Variants in GMDS observed in about 807,000 individuals in gnomAD.
The protein encoded by GMDS is GDP-mannose 4,6-dehydratase.
In GMDS, 20 loss-of-function variants were observed where a neutral mutation model predicts 49.9. The ratio of observed to expected loss-of-function variants is 0.40; its 90% confidence interval spans 0.28 to 0.58. GMDS has a LOEUF of 0.58. Among genes scored for constraint, GMDS ranks in the 20% least tolerant of loss-of-function variants. The pLI, the probability that GMDS is intolerant of heterozygous loss-of-function variation, is 0.42. For missense variants in GMDS, 362 were observed against 481.4 expected, an observed-to-expected ratio of 0.75 and a Z score of 2.32; for synonymous variants, 177 against 178.6, an observed-to-expected ratio of 0.99 and a Z score of 0.07.
Position 1,726,390 on chromosome 6 carries a change from GCACTGGGTGGC to G in GMDS, c.987+15_987+25del. 6.8e-7 allele frequency: 1 copy of G among 1,479,104 alleles called. No individual in the cohort carries two copies. 91.6% of individuals were successfully genotyped at this position (1,479,104 alleles called of 1,614,324 possible). A position where few individuals can be genotyped will look rare whatever the true frequency, so the allele number is the denominator to read the frequency against. On this transcript the variant is annotated intron_variant, in intron 9 of 10. Transcript: ENST00000380815. Reference sequence around the variant, plus strand: ...CAGCCAGCCAGCCAAATGTGGCCACGCACTGGGTGGCCAGAGAGTCCTTACCACTTCAGTTG... The same window carrying G: ...CAGCCAGCCAGCCAAATGTGGCCACGCAGAGAGTCCTTACCACTTCAGTTG...
chr6:1,771,203 A>G (rs1768564262), intron 7 of GMDS, among the ~76,000 whole-genome samples: 1 of 152,184 alleles, frequency 6.6e-6, no homozygotes, highest in African/African-American at 2.4e-5. Context: ...CAGCTTCCAG[A>G]CAGTCAAACA....
intron 1 of GMDS, among the ~76,000 whole-genome samples, chr6:2,231,244 A>T (rs1489643594): frequency 6.6e-6 from 1 of 152,082 alleles, no homozygotes; most frequent in Non-Finnish European, 1.5e-5. Context: ...TTCTGCTAGT[A>T]TATTCTTTGT....
rs181209652 is a variant in GMDS at position 1,909,620 on chromosome 6, G to A, written c.771+20483C>T. 3.5e-3 allele frequency among the ~76,000 whole-genome samples: 537 copies of A among 152,228 alleles called. 2 individuals are homozygous for A. Among genetic ancestry groups the A allele is most frequent in the Non-Finnish European group, 4.0e-3 (270 of 68,006 alleles). On this transcript the variant is annotated intron_variant, in intron 7 of 10. Coordinates refer to ENST00000380815, the MANE Select transcript of GMDS (RefSeq NM_001500.4). The stretch of plus-strand genomic sequence containing the variant: ...TCTAGAAGGTAAAATGTGTCCATCC[G>A]TGTGTGATGCTGGCTACAGCCACTC...
chr6:1,740,904 G>A (rs1401374481), intron 8 of GMDS, among the ~76,000 whole-genome samples: 2 of 152,144 alleles, frequency 1.3e-5, no homozygotes, highest in Middle Eastern at 3.4e-3. Flanking sequence ...CCTGCACAAA[G>A]TTTTCATGCA....
intron 7 of GMDS, among the ~76,000 whole-genome samples, chr6:1,860,782 C>A (rs1347638234): frequency 6.6e-6 from 1 of 152,100 alleles, no homozygotes; most frequent in Admixed American, 6.5e-5. Context: ...AGGCAAAATC[C>A]AAGGGTACTT....
intron 1 of GMDS, among the ~76,000 whole-genome samples, chr6:2,230,443 G>C (rs910351065): frequency 4.6e-5 from 7 of 152,134 alleles, no homozygotes; most frequent in Non-Finnish European, 8.8e-5. Context: ...CCTATATAGA[G>C]AATCTGCTAA....
At position 1,708,505 on chromosome 6, in the gene GMDS, C is replaced by A. The variant is rs185952288; in HGVS notation, c.987+17911G>T. Among the ~76,000 whole-genome samples, 398 of 152,292 alleles carry A rather than the reference C, an allele frequency of 2.6e-3. 3 individuals carry two copies. Among genetic ancestry groups the A allele is most frequent in the Non-Finnish European group, 4.2e-3 (288 of 68,044 alleles). ...GGGGCTAAGTCAGTCACCGCACAAT[C>A]GAGTATGGTGTAGCTCCAAAGAATG... On this transcript the variant is annotated intron_variant, in intron 9 of 10. Transcript: ENST00000380815.
chr6:1,870,172 A>G (rs1216459593), intron 7 of GMDS, among the ~76,000 whole-genome samples: 1 of 151,990 alleles, frequency 6.6e-6, no homozygotes, highest in Admixed American at 6.6e-5. Context: ...CTTTAATGTC[A>G]TTTTCCTCTT....
At chr6:1,952,922 T>A (rs961465923) in intron 6 of GMDS, among the ~76,000 whole-genome samples, 1 of 152,076 alleles carries the variant, frequency 6.6e-6, no homozygotes, top group Non-Finnish European at 1.5e-5. Context: ...TCCCTATGAG[T>A]GACTCACGGC....
At chr6:1,868,033 C>T (rs1758526543) in intron 7 of GMDS, among the ~76,000 whole-genome samples, 1 of 151,780 alleles carries the variant, frequency 6.6e-6, no homozygotes, top group Non-Finnish European at 1.5e-5. Context: ...GTCACCCAGG[C>T]TGGAGTGCAG....
chr6:2,177,198 A>C (rs766586157), intron 1 of GMDS, among the ~76,000 whole-genome samples: 13 of 152,202 alleles, frequency 8.5e-5, no homozygotes, highest in Non-Finnish European at 1.8e-4. Flanking sequence ...ACCTAAGGGC[A>C]GACTTAATCT....
At chr6:1,810,743 T>A (rs567081283) in intron 7 of GMDS, among the ~76,000 whole-genome samples, 3 of 152,266 alleles carry the variant, frequency 2.0e-5, no homozygotes, top group African/African-American at 7.2e-5. Context: ...GGACATAACC[T>A]TGCAGACAAG....
intron 2 of GMDS, among the ~76,000 whole-genome samples, chr6:2,120,933 A>C (rs940418962): frequency 6.6e-6 from 1 of 152,144 alleles, no homozygotes; most frequent in African/African-American, 2.4e-5. Flanking sequence ...TCACTCTGCC[A>C]CCTCCAGATC....
chr6:2,142,206 G>A lies in GMDS; in HGVS notation c.103-17475C>T, dbSNP rs189341404. Among the ~76,000 whole-genome samples the A allele has an allele frequency of 5.7e-3, 862 of 152,274 alleles. 2 individuals are homozygous for A. The highest frequency in any genetic ancestry group is 0.017 in the Middle Eastern group (5 of 294). On this transcript the variant is annotated intron_variant, in intron 1 of 10. Transcript: ENST00000380815. ...GTTCCTGTTCATATTCGAAGGAGCT[G>A]TTTAAATAACAATAACAACAATACC... is the stretch of plus-strand genomic sequence containing the variant.
intron 8 of GMDS, among the ~76,000 whole-genome samples, chr6:1,742,107 A>G (rs1296830431): frequency 4.0e-5 from 6 of 151,828 alleles, no homozygotes; most frequent in South Asian, 4.2e-4. Context: ...GTTGTAGTAG[A>G]GATGGGGTTT....
At chr6:2,113,846 C>A (rs1774694355) in intron 4 of GMDS, among the ~76,000 whole-genome samples, 1 of 152,086 alleles carries the variant, frequency 6.6e-6, no homozygotes, top group South Asian at 2.1e-4. Flanking sequence ...GATTAAATGA[C>A]CTTACAAACC....
intron 4 of GMDS, among the ~76,000 whole-genome samples, chr6:2,101,295 T>TA (rs543759323): frequency 7.2e-4 from 106 of 148,132 alleles, no homozygotes; most frequent in African/African-American, 2.5e-3. Flanking sequence ...AGTAGCATGG[T>TA]AAAAAAACAC....
At chr6:2,214,468 A>G (rs1046779415) in intron 1 of GMDS, among the ~76,000 whole-genome samples, 14 of 152,214 alleles carry the variant, frequency 9.2e-5, no homozygotes, top group African/African-American at 3.4e-4. Flanking sequence ...ACAACTATTT[A>G]CATAGCATTT....
chr6:1,804,977 C>A (rs1770111575), intron 7 of GMDS, among the ~76,000 whole-genome samples: 1 of 152,182 alleles, frequency 6.6e-6, no homozygotes, highest in Non-Finnish European at 1.5e-5. Context: ...AGCCAACCTT[C>A]TAAAGAAGTT....
Sources: gnomAD v4.1 joint callset for allele counts (sites outside exome capture counted in the v4.1 genomes callset) on GRCh38, gnomAD v4.1.1 for gene constraint, MANE v1.5 for transcripts, NCBI Gene and HGNC (gene_info 2026-07-23, HGNC 2026-07-21) for gene names.